ANKRD18A: variants seen among roughly 807,000 people sequenced by gnomAD.
The protein encoded by ANKRD18A is ankyrin repeat domain 18A.
In ANKRD18A, 72 loss-of-function variants were observed where a neutral mutation model predicts 110.6. The observed-to-expected ratio is 0.65, with a 90% CI of 0.54 to 0.79. The LOEUF (loss-of-function observed/expected upper bound fraction) is 0.79, where lower values mean the gene tolerates loss of function less well. ANKRD18A is among the 30% of genes least tolerant of loss of function. The probability of loss-of-function intolerance (pLI) is 0.00; values close to 1 mark genes in which losing one functional copy is unlikely to be tolerated. For synonymous variants in ANKRD18A, 305 were observed against 410.3 expected (o/e 0.74, Z 3.10); for missense variants, 934 against 1,163.3 (o/e 0.80, Z 2.87).
intron 6 of ANKRD18A, chr9:38,604,300 A>G (rs532949127): frequency 6.6e-6 from 1 of 152,250 alleles, no homozygotes; most frequent in Non-Finnish European, 1.5e-5. Context: ...ACATCCCCGA[A>G]GGAAAAAAAA....
intron 15 of ANKRD18A, chr9:38,572,628 A>G (rs917615224): frequency 1.3e-5 from 2 of 153,454 alleles, no homozygotes; most frequent in African/African-American, 4.8e-5. Context: ...GTGCTAGAGC[A>G]AAGGGCAGAA....
intron 14 of ANKRD18A, 77 bp downstream of exon 14, chr9:38,576,976 C>G: frequency 7.8e-7 from 1 of 1,277,526 alleles, no homozygotes; most frequent in Non-Finnish European, 1.1e-6. Flanking sequence ...CTCCTGAAGC[C>G]ATCTCACTAA....
intron 8 of ANKRD18A, among the ~76,000 whole-genome samples, chr9:38,599,084 TTC>T (rs1825013071): frequency 6.6e-6 from 1 of 152,186 alleles, no homozygotes; most frequent in South Asian, 2.1e-4. Flanking sequence ...ATTACAACAA[TTC>T]TCTTTCTTCT....
rs367772712 is a variant in ANKRD18A at position 38,596,119 on chromosome 9, C to T, written c.1221G>A (p.Lys407=). The change falls in exon 9 of 16, where the codon AAG becomes AAA. Residue 407 remains lysine (K), a synonymous_variant. Coordinates refer to ENST00000399703, the MANE Select transcript of ANKRD18A (RefSeq NM_147195.4). ...CTAGTCTTTCTTTGTTGTGTTTTTCCTTCTCCAATTCTGAATTCAGCCTTG... is the reference window on the plus strand; with the variant it reads ...CTAGTCTTTCTTTGTTGTGTTTTTCTTTCTCCAATTCTGAATTCAGCCTTG... ...ENARLNSELE[K]EKHNKERLEA... 4.5e-6 allele frequency: 7 copies of T among 1,550,922 alleles called. No homozygotes were observed. In the Admixed American group the frequency reaches 5.9e-5, roughly 13 times the overall value.
intron 12 of ANKRD18A, among the ~76,000 whole-genome samples, chr9:38,584,076 C>T (rs1382530137): frequency 2.6e-5 from 4 of 152,180 alleles, no homozygotes; most frequent in African/African-American, 9.7e-5. Context: ...TGTGCCTGTC[C>T]TGGTATTCAA....
In ANKRD18A at chr9:38,595,884, A is replaced by C; in HGVS notation, c.1456T>G (p.Leu486Val). ...VHKARVKFNT[L>V]KGKLRETRDA... is the part of the protein sequence containing the mutation. ...CTTGTCTCACGGAGCTTACCTTTTA[A>C]GGTATTGAACTTCACCCGAGCTTTA... The change falls in exon 9 of 16, where the codon TTA (leucine) becomes GTA (valine). Residue 486 changes from leucine to valine, a missense_variant. Transcript: ENST00000399703. The C allele has an allele frequency of 6.4e-7, 1 of 1,551,296 alleles. No individual in the cohort carries two copies. The highest frequency in any genetic ancestry group is 8.7e-7 in the Non-Finnish European group (1 of 1,146,704).
chr9:38,592,745 A>G (rs1355249964), intron 10 of ANKRD18A, among the ~76,000 whole-genome samples: 3 of 152,106 alleles, frequency 2.0e-5, no homozygotes, highest in Admixed American at 6.6e-5. Context: ...ATTATTTGAC[A>G]ATAAGAAGGA....
At chr9:38,580,442 C>T (rs892416278) in intron 12 of ANKRD18A, among the ~76,000 whole-genome samples, 2 of 152,108 alleles carry the variant, frequency 1.3e-5, no homozygotes, top group Non-Finnish European at 2.9e-5. Flanking sequence ...AACAAAAAAG[C>T]TCATAGAAGT....
chr9:38,584,312 T>C (rs182760799), intron 12 of ANKRD18A, among the ~76,000 whole-genome samples: 1 of 152,298 alleles, frequency 6.6e-6, no homozygotes, highest in Non-Finnish European at 1.5e-5. Context: ...AATAAGCCAG[T>C]CCCAGTCGAC....
chr9:38,603,146 T>G lies in ANKRD18A; in HGVS notation c.862+13A>C. ...CTTTACATGGTTAGGAGTAGAGAAC[T>G]CAAGTGTCTTACCTTTTGCACGTTC... On this transcript the variant is annotated intron_variant, in intron 7 of 15. Transcript: ENST00000399703. 6.5e-7 allele frequency: 1 copy of G among 1,548,852 alleles called. No individual in the cohort carries two copies. The highest frequency in any genetic ancestry group is 8.7e-7 in the Non-Finnish European group (1 of 1,145,474).
downstream of ANKRD18A, chr9:38,568,722 T>C (rs547680303): frequency 4.3e-4 from 419 of 985,176 alleles, no homozygotes; most frequent in Non-Finnish European, 4.9e-4. Context: ...GCTTGTCCTG[T>C]CTTGGGCCAA....
At position 38,596,314 on chromosome 9, in the gene ANKRD18A, A is replaced by C; in HGVS notation, c.1026T>G (p.Tyr342Ter). 6.5e-7 allele frequency: 1 copy of C among 1,528,272 alleles called. No individual in the cohort carries two copies. Among genetic ancestry groups the C allele is most frequent in the South Asian group, 1.3e-5 (1 of 78,088 alleles). 94.7% of individuals were successfully genotyped at this position (1,528,272 alleles called of 1,614,324 possible). ...KDIAMLKEEL[Y>*]AIKNDSLRKE... ...TTCTGAGACTGTCATTTTTTATTGCATATAATTCCTCTTTGAGCATGGCAA... is the reference window on the plus strand; with the variant it reads ...TTCTGAGACTGTCATTTTTTATTGCCTATAATTCCTCTTTGAGCATGGCAA... Residue 342 changes from tyrosine to a stop codon, truncating the protein, a stop_gained, in exon 9 of 16, where the codon TAT becomes TAG. Coordinates refer to ENST00000399703, the MANE Select transcript of ANKRD18A (RefSeq NM_147195.4). LOFTEE classifies it high-confidence loss of function.
intron 3 of ANKRD18A, among the ~76,000 whole-genome samples, chr9:38,612,944 T>C (rs1214880802): frequency 6.6e-6 from 1 of 151,574 alleles, no homozygotes; most frequent in Non-Finnish European, 1.5e-5. Flanking sequence ...CAGATGACTA[T>C]TTGTGGTATA....
At chr9:38,610,097 A>G (rs1825544218) in intron 5 of ANKRD18A, among the ~76,000 whole-genome samples, 176 bp downstream of exon 5, 1 of 152,212 alleles carries the variant, frequency 6.6e-6, no homozygotes, top group Non-Finnish European at 1.5e-5. Context: ...ACTCATTGCT[A>G]CTTCTAACTA....
downstream of ANKRD18A, chr9:38,567,800 G>A (rs114819498): frequency 0.018 from 2,783 of 152,380 alleles, 32 homozygotes; most frequent in Middle Eastern, 0.041. Context: ...TGAGGCTGAA[G>A]AGCTGGCCAC....
At chr9:38,601,780 C>T (rs1430527543) in intron 7 of ANKRD18A, among the ~76,000 whole-genome samples, 1 of 151,960 alleles carries the variant, frequency 6.6e-6, no homozygotes, top group Non-Finnish European at 1.5e-5. Flanking sequence ...TGCTTGAAGC[C>T]AGGAGTTTAA....
intron 12 of ANKRD18A, among the ~76,000 whole-genome samples, chr9:38,583,043 G>A (rs1157630142): frequency 2.0e-5 from 3 of 152,066 alleles, no homozygotes; most frequent in Admixed American, 6.5e-5. Context: ...ATATAAAGAC[G>A]GATAATAAGC....
Position 38,575,475 on chromosome 9 carries a change from C to T in ANKRD18A, c.2964+1G>A, listed in dbSNP as rs780546095. ...AAAAGAGAAATGGTCATATAACTAA[C>T]CTCAGTCAAGAAGTTCTTGCAGTTA... On this transcript the variant is annotated splice_donor_variant, in intron 15 of 15. Coordinates refer to ENST00000399703, the MANE Select transcript of ANKRD18A (RefSeq NM_147195.4). LOFTEE classifies it high-confidence loss of function. 1.9e-6 allele frequency: 3 copies of T among 1,549,440 alleles called. No homozygotes were observed. The highest frequency in any genetic ancestry group is 1.7e-4 in the Middle Eastern group (1 of 5,732).
the ANKRD18A span, chr9:38,566,340 AG>A: frequency 6.6e-6 from 1 of 152,210 alleles, no homozygotes; most frequent in East Asian, 1.9e-4. Flanking sequence ...ACTGCTTCTA[AG>A]GTACAGTGGT....
Sources: allele counts gnomAD v4.1 joint callset (sites outside exome capture counted in the v4.1 genomes callset), GRCh38; gene constraint gnomAD v4.1.1; transcripts MANE v1.5; gene names NCBI Gene and HGNC (gene_info 2026-07-23, HGNC 2026-07-21).